Variants in CLSTN1 observed in about 807,000 individuals in gnomAD.
CLSTN1 encodes calsyntenin 1.
In CLSTN1, 28 loss-of-function variants were observed where a neutral mutation model predicts 108.3. The observed-to-expected ratio is 0.26, with a 90% confidence interval of 0.19 to 0.35. CLSTN1 has a LOEUF of 0.35. Ranked by LOEUF, CLSTN1 falls within the 10% of genes least tolerant of loss-of-function variation. The probability of loss-of-function intolerance (pLI) is 1.00; values close to 1 mark genes in which losing one functional copy is unlikely to be tolerated. For missense variants in CLSTN1, 1,157 were observed against 1,302.6 expected (o/e 0.89, Z 1.72); for synonymous variants, 524 against 534.9 (o/e 0.98, Z 0.28).
intron 2 of CLSTN1, among the ~76,000 whole-genome samples, chr1:9,756,811 C>G (rs1243037017): frequency 6.6e-6 from 1 of 152,062 alleles, no homozygotes; most frequent in East Asian, 1.9e-4. Context: ...GACAGAGTCT[C>G]GCTCTGTCAC....
rs137950862 is a variant in CLSTN1 at position 9,776,788 on chromosome 1, C to CTCTATCTATCTATCTATCTATCTA, written c.92-3418_92-3395dup. ...ATTATCCATCCATCCACCCACCTAT[C>CTCTATCTATCTATCTATCTATCTA]TCTATCTATCTATCTATCTATCTAT... On this transcript the variant is annotated intron_variant, in intron 1 of 18. Transcript: ENST00000377298. 1.1e-3 allele frequency among the ~76,000 whole-genome samples: 165 copies of CTCTATCTATCTATCTATCTATCTA among 151,862 alleles called. 1 individual carries two copies. The East Asian group carries it at 0.015, about 14-fold the overall frequency.
At chr1:9,760,151 A>G (rs1652001242) in intron 2 of CLSTN1, among the ~76,000 whole-genome samples, 1 of 152,136 alleles carries the variant, frequency 6.6e-6, no homozygotes, top group Non-Finnish European at 1.5e-5. Context: ...TCTCAAAATA[A>G]TCAATATTCT....
At chr1:9,761,886 T>A (rs1652091793) in intron 2 of CLSTN1, among the ~76,000 whole-genome samples, 1 of 152,152 alleles carries the variant, frequency 6.6e-6, no homozygotes, top group East Asian at 1.9e-4. Flanking sequence ...ATTGGAAAAC[T>A]ATCAGGAACT....
intron 1 of CLSTN1, among the ~76,000 whole-genome samples, chr1:9,793,403 T>TG (rs762921063): frequency 6.6e-6 from 1 of 151,366 alleles, no homozygotes; most frequent in African/African-American, 2.4e-5. Flanking sequence ...TGGGCCGTAA[T>TG]GGGGCGCCAG....
chr1:9,763,440 G>A lies in CLSTN1; in HGVS notation c.215-6930C>T, dbSNP rs1249948339. Among the ~76,000 whole-genome samples, 4 of 152,164 alleles carry A rather than the reference G, an allele frequency of 2.6e-5. No homozygotes were observed. The East Asian group carries it at 7.7e-4, about 29-fold the overall frequency. On this transcript the variant is annotated intron_variant, in intron 2 of 18. Coordinates refer to ENST00000377298, the MANE Select transcript of CLSTN1 (RefSeq NM_001009566.3). ...CAGAAATTCTGACTTGGTGGTTCTA[G>A]GGGCAGAGCCCAGTGATCTGCATTT...
chr1:9,749,972 G>C, intron 5 of CLSTN1, 59 bp from the exon 6 acceptor site: 3 of 1,467,738 alleles, frequency 2.0e-6, no homozygotes, highest in Non-Finnish European at 2.8e-6. Flanking sequence ...TACTTTTGTT[G>C]TCCTAGGCGG....
At chr1:9,801,773 C>A (rs1345157864) in intron 1 of CLSTN1, among the ~76,000 whole-genome samples, 1 of 152,168 alleles carries the variant, frequency 6.6e-6, no homozygotes, top group Non-Finnish European at 1.5e-5. Context: ...TCAGGCTGAT[C>A]TCGAACTCCG....
In CLSTN1 at chr1:9,735,608, G is replaced by C. The variant is rs1241636326; in HGVS notation, c.1742C>G (p.Ala581Gly). 6.2e-7 allele frequency: 1 copy of C among 1,614,094 alleles called. No homozygotes were observed. Among genetic ancestry groups the C allele is most frequent in the East Asian group, 2.2e-5 (1 of 44,876 alleles). ...GGTCAATACCAACTGGCTGGGGTGT[G>C]CTTGGATCTGAAATCACACCAGCCA... is the stretch of plus-strand genomic sequence containing the variant. The part of the protein sequence containing the change: ...EDSGRGVQIQ[A>G]HPSQLVLTLE... Residue 581 changes from alanine to glycine, a missense_variant, in exon 13 of 19, where the codon GCA becomes GGA. By Grantham distance (60) the Ala-to-Gly change is moderately conservative. Coordinates refer to ENST00000377298, the MANE Select transcript of CLSTN1 (RefSeq NM_001009566.3).
At position 9,731,402 on chromosome 1, in the gene CLSTN1, T is replaced by C. The variant is rs1208210104; in HGVS notation, c.2564-12A>G. 4 of 1,612,004 alleles carry C rather than the reference T, an allele frequency of 2.5e-6. No individual in the cohort carries two copies. Among genetic ancestry groups the C allele is most frequent in the Non-Finnish European group, 3.4e-6 (4 of 1,178,486 alleles). ...AGTGCTGGGGACGACTGTGGGAGAA[T>C]GAGGGGGCGGGATGCGAGGTCACTC... On this transcript the variant is annotated splice_polypyrimidine_tract_variant and intron_variant, in intron 17 of 18. Coordinates refer to ENST00000377298, the MANE Select transcript of CLSTN1 (RefSeq NM_001009566.3).
intron 3 of CLSTN1, among the ~76,000 whole-genome samples, chr1:9,756,052 T>C (rs113836965): frequency 4.6e-5 from 7 of 152,292 alleles, no homozygotes; most frequent in African/African-American, 1.7e-4. Flanking sequence ...TACATCTAAA[T>C]TGGCTCACAA....
rs1650334017 is a variant in CLSTN1 at position 9,730,815 on chromosome 1, C to T, written c.2749-110G>A. The T allele has an allele frequency of 9.5e-7, 1 of 1,055,058 alleles. No individual in the cohort carries two copies. The highest frequency in any genetic ancestry group is 2.1e-5 in the Admixed American group (1 of 47,302). The allele number at this position is 1,055,058 out of a possible 1,614,324, so 65.4% of individuals were successfully genotyped here. On this transcript the variant is annotated intron_variant, in intron 18 of 18. Coordinates refer to ENST00000377298, the MANE Select transcript of CLSTN1 (RefSeq NM_001009566.3). This position sits in a 1 kb window ranked among gnomAD's most constrained non-coding sequence, Gnocchi z 5.6. ...GAAGGAGAACTTGCCCCAGCGTCTC[C>T]CTCCCCAGCGACAGAGCAGCCAGGA...
intron 2 of CLSTN1, among the ~76,000 whole-genome samples, chr1:9,770,450 C>T (rs1053079200): frequency 3.3e-5 from 5 of 152,236 alleles, no homozygotes; most frequent in South Asian, 2.1e-4. Flanking sequence ...TTGTGAACTT[C>T]GTGCAGTTAA....
chr1:9,798,250 G>T (rs537406506), intron 1 of CLSTN1, among the ~76,000 whole-genome samples: 1 of 152,216 alleles, frequency 6.6e-6, no homozygotes, highest in East Asian at 1.9e-4. Flanking sequence ...ACATCCAAAA[G>T]AACTGAAAAC....
At chr1:9,804,243 G>C (rs1187078255) in intron 1 of CLSTN1, among the ~76,000 whole-genome samples, 2 of 151,248 alleles carry the variant, frequency 1.3e-5, no homozygotes, top group Admixed American at 1.3e-4. Flanking sequence ...GGCGCCTGTA[G>C]TCCCAGCTAC....
intron 11 of CLSTN1, 104 bp from the exon 12 acceptor site, chr1:9,736,146 G>T: frequency 7.3e-7 from 1 of 1,366,556 alleles, no homozygotes; most frequent in Admixed American, 1.7e-5. Flanking sequence ...CTCAGTGGAT[G>T]GACATGCGGG....
intron 15 of CLSTN1, 27 bp downstream of exon 15, chr1:9,733,945 C>G (rs763831411): frequency 1.3e-6 from 2 of 1,588,902 alleles, no homozygotes; most frequent in South Asian, 2.3e-5. Context: ...GCCTGGCCCA[C>G]CTGCGTGGCT....
intron 1 of CLSTN1, among the ~76,000 whole-genome samples, chr1:9,787,479 C>G (rs1356052458): frequency 6.8e-6 from 1 of 146,534 alleles, no homozygotes; most frequent in Non-Finnish European, 1.5e-5. Context: ...TCTCGGCTCA[C>G]TGCAAGCTCC....
intron 2 of CLSTN1, among the ~76,000 whole-genome samples, chr1:9,770,992 CAAAAAT>C (rs1652647528): frequency 6.6e-6 from 1 of 151,850 alleles, no homozygotes; most frequent in South Asian, 2.1e-4. Context: ...GACACCGTCT[CAAAAAT>C]AAAACAAAAC....
chr1:9,795,541 T>A (rs953954891), intron 1 of CLSTN1, among the ~76,000 whole-genome samples: 6 of 151,398 alleles, frequency 4.0e-5, no homozygotes, highest in Non-Finnish European at 8.8e-5. Context: ...TGAAGAAGCA[T>A]GTTTATTTTT....
Sources: allele counts gnomAD v4.1 joint callset (sites outside exome capture counted in the v4.1 genomes callset), GRCh38; gene constraint gnomAD v4.1.1; non-coding constraint Gnocchi (gnomAD v3.1); transcripts MANE v1.5; gene names NCBI Gene and HGNC (gene_info 2026-07-23, HGNC 2026-07-21).